Variants in KIAA0825 observed in about 807,000 individuals in gnomAD.
The protein encoded by KIAA0825 is KIAA0825, also known as uncharacterized protein KIAA0825.
In KIAA0825, 119 loss-of-function variants were observed where a neutral mutation model predicts 147.6. The ratio of observed to expected loss-of-function variants is 0.81; its 90% CI spans 0.69 to 0.94. KIAA0825 has a LOEUF of 0.94. KIAA0825 is among the 40% of genes least tolerant of loss of function. The pLI is 0.00. For synonymous variants in KIAA0825, 470 were observed against 518.1 expected, an observed-to-expected ratio of 0.91 and a Z score of 1.26; for missense variants, 1,381 against 1,472.7, an observed-to-expected ratio of 0.94 and a Z score of 1.02.
At chr5:94,316,561 C>T (rs1260948374) in intron 20 of KIAA0825, among the ~76,000 whole-genome samples, 7 of 151,592 alleles carry the variant, frequency 4.6e-5, no homozygotes, top group Admixed American at 6.6e-5. Context: ...TGGCTGTGGC[C>T]TCCTAAAGCT....
At chr5:94,206,009 A>T (rs1193701100) in intron 20 of KIAA0825, among the ~76,000 whole-genome samples, 1 of 152,106 alleles carries the variant, frequency 6.6e-6, no homozygotes, top group East Asian at 1.9e-4. Flanking sequence ...TTTTCTTCAG[A>T]AATAGTAATT....
Position 94,284,330 on chromosome 5 carries a change from A to G in KIAA0825, c.3710+100038T>C, listed in dbSNP as rs1777578824. Among the ~76,000 whole-genome samples the G allele has an allele frequency of 2.0e-5, 3 of 152,252 alleles. No homozygotes were observed. The South Asian group carries it at 6.2e-4, about 32-fold the overall frequency. On this transcript the variant is annotated intron_variant, in intron 20 of 20. Transcript: ENST00000682413. ...GTGGGTGGTATTCTTGAGGAAGTCC[A>G]CAGATATCCTTGCCTATATCACCCC...
intron 20 of KIAA0825, among the ~76,000 whole-genome samples, chr5:94,376,039 G>A (rs1233414087): frequency 1.3e-5 from 2 of 152,096 alleles, no homozygotes; most frequent in African/African-American, 2.4e-5. Context: ...CTTAGAGCTC[G>A]GTACCTCTGT....
At chr5:94,236,104 A>G (rs1429343236) in intron 20 of KIAA0825, among the ~76,000 whole-genome samples, 2 of 152,202 alleles carry the variant, frequency 1.3e-5, no homozygotes, top group Non-Finnish European at 2.9e-5. Context: ...ATTATTTAAG[A>G]AATACATTTT....
At chr5:94,353,449 A>G (rs1002685443) in intron 20 of KIAA0825, among the ~76,000 whole-genome samples, 6 of 152,158 alleles carry the variant, frequency 3.9e-5, no homozygotes, top group Non-Finnish European at 7.3e-5. Context: ...AAGAGTCTAG[A>G]TGTATTTAAA....
intron 20 of KIAA0825, among the ~76,000 whole-genome samples, chr5:94,372,571 G>C (rs1306346910): frequency 1.3e-5 from 2 of 152,232 alleles, no homozygotes; most frequent in Non-Finnish European, 2.9e-5. Context: ...CAAGGCTGGA[G>C]CTGAAGCAGC....
chr5:94,230,309 T>C (rs566299930), intron 20 of KIAA0825, among the ~76,000 whole-genome samples: 8 of 152,310 alleles, frequency 5.3e-5, no homozygotes, highest in African/African-American at 1.9e-4. Context: ...GTGTTCCTAA[T>C]GGAATTAGTT....
intron 20 of KIAA0825, among the ~76,000 whole-genome samples, chr5:94,218,180 T>C (rs1356073165): frequency 6.6e-6 from 1 of 152,218 alleles, no homozygotes; most frequent in Non-Finnish European, 1.5e-5. Context: ...GGAGCAATAA[T>C]GACACTCCTT....
At chr5:94,555,359 TATTAG>T (rs1776350431) in intron 2 of KIAA0825, among the ~76,000 whole-genome samples, 1 of 152,178 alleles carries the variant, frequency 6.6e-6, no homozygotes, top group Non-Finnish European at 1.5e-5. Flanking sequence ...CTTATCTATA[TATTAG>T]ATTTTCTTAT....
intron 13 of KIAA0825, among the ~76,000 whole-genome samples, chr5:94,449,373 A>T (rs567134568): frequency 1.5e-3 from 222 of 152,292 alleles, no homozygotes; most frequent in African/African-American, 5.2e-3. Flanking sequence ...AGTAAAATGG[A>T]CTAAGGTTGT....
At chr5:94,253,170 T>G (rs145500330) in intron 20 of KIAA0825, among the ~76,000 whole-genome samples, 2 of 152,258 alleles carry the variant, frequency 1.3e-5, no homozygotes, top group African/African-American at 4.8e-5. Context: ...ATATATAACT[T>G]TATTCATTAT....
chr5:94,363,537 G>A (rs888965179), intron 20 of KIAA0825, among the ~76,000 whole-genome samples: 12 of 152,088 alleles, frequency 7.9e-5, no homozygotes, highest in Non-Finnish European at 1.2e-4. Context: ...TACAACATCC[G>A]CATTGTTTAA....
chr5:94,545,543 A>G (rs1198267750), intron 2 of KIAA0825, among the ~76,000 whole-genome samples: 1 of 152,206 alleles, frequency 6.6e-6, no homozygotes, highest in East Asian at 1.9e-4. Context: ...ACAGGGTACC[A>G]GGCAGACTTG....
At chr5:94,160,617 CATATTAAATATATACTGTATGTGTGT>C (rs1767477913) in intron 20 of KIAA0825, among the ~76,000 whole-genome samples, 1 of 146,908 alleles carries the variant, frequency 6.8e-6, no homozygotes, top group South Asian at 2.1e-4. Context: ...TTAATATATA[CATATTAAATATATACTGTATGTGTGT>C]ATATTAAATA....
chr5:94,431,147 A>G (rs1362600690), intron 14 of KIAA0825, among the ~76,000 whole-genome samples: 1 of 152,028 alleles, frequency 6.6e-6, no homozygotes, highest in Admixed American at 6.6e-5. Flanking sequence ...CATTCAGTAT[A>G]AAAAAAATGA....
At chr5:94,477,245 T>G in intron 6 of KIAA0825, 40 bp from the exon 7 acceptor site, 1 of 1,295,934 alleles carries the variant, frequency 7.7e-7, no homozygotes, top group South Asian at 1.3e-5. Flanking sequence ...TAATATATAT[T>G]GTTTAAAAAG....
intron 13 of KIAA0825, among the ~76,000 whole-genome samples, chr5:94,443,226 T>C (rs1757309388): frequency 6.6e-6 from 1 of 152,018 alleles, no homozygotes; most frequent in African/African-American, 2.4e-5. Context: ...AATAAATGCA[T>C]TGAGGAATCT....
rs978571154 is a variant in KIAA0825, at chr5:94,473,323, G to A, written c.1424C>T (p.Pro475Leu). 6.4e-7 allele frequency: 1 copy of A among 1,551,746 alleles called. No individual in the cohort carries two copies. Among genetic ancestry groups the A allele is most frequent in the South Asian group, 1.2e-5 (1 of 84,034 alleles). Residue 475 changes from proline to leucine, a missense_variant, in exon 8 of 21, where the codon CCT becomes CTT. Physicochemically the swap from Pro to Leu is moderately conservative, Grantham distance 98. Coordinates refer to ENST00000682413, the MANE Select transcript of KIAA0825 (RefSeq NM_001145678.3). ...QQVWQDSHMF[P>L]EEEQPKKIGK... ...AATTTTCTTTGGTTGTTCCTCCTCAGGAAACATATGGCTGTCTTGCCAAAC... is the reference window on the plus strand; with the variant it reads ...AATTTTCTTTGGTTGTTCCTCCTCAAGAAACATATGGCTGTCTTGCCAAAC...
intron 20 of KIAA0825, among the ~76,000 whole-genome samples, chr5:94,174,872 T>G (rs1344974703): frequency 6.6e-6 from 1 of 152,158 alleles, no homozygotes; most frequent in Non-Finnish European, 1.5e-5. Flanking sequence ...AACATCTTCC[T>G]TCCTAAGCAG....
Sources: allele counts gnomAD v4.1 joint callset (sites outside exome capture counted in the v4.1 genomes callset), GRCh38; gene constraint gnomAD v4.1.1; transcripts MANE v1.5; gene names NCBI Gene and HGNC (gene_info 2026-07-23, HGNC 2026-07-21).